Variants in THRB observed in about 807,000 individuals in gnomAD.
The protein encoded by THRB is thyroid hormone receptor beta, also known as nuclear receptor subfamily 1 group A member 2.
In THRB, 12 loss-of-function variants were observed where a neutral mutation model predicts 47.8. That is an observed-to-expected ratio of 0.25 (90% CI 0.16 to 0.41). THRB has a LOEUF of 0.41. Among genes scored for constraint, THRB ranks in the 10% least tolerant of loss-of-function variants. The probability of loss-of-function intolerance (pLI) is 1.00; values close to 1 mark genes in which losing one functional copy is unlikely to be tolerated. For synonymous variants in THRB, 218 were observed against 212.2 expected (o/e 1.03, Z -0.24); for missense variants, 348 against 589.2 (o/e 0.59, Z 4.24).
chr3:24,278,100 G>C (rs1307498188), intron 3 of THRB, among the ~76,000 whole-genome samples: 1 of 152,190 alleles, frequency 6.6e-6, no homozygotes, highest in African/African-American at 2.4e-5. Flanking sequence ...TTAGAGAACA[G>C]AAGATATGCA....
chr3:24,462,029 G>A (rs1051976329), intron 1 of THRB, among the ~76,000 whole-genome samples: 23 of 152,182 alleles, frequency 1.5e-4, no homozygotes, highest in Admixed American at 5.2e-4. Flanking sequence ...ACAATGATGA[G>A]CACAGAAAAC....
intron 1 of THRB, among the ~76,000 whole-genome samples, chr3:24,356,813 CT>C (rs1261721371): frequency 6.6e-6 from 1 of 152,082 alleles, no homozygotes; most frequent in Non-Finnish European, 1.5e-5. Flanking sequence ...GAGAGGCCCC[CT>C]GAATATGCAG....
At chr3:24,353,745 T>C (rs888364855) in intron 1 of THRB, among the ~76,000 whole-genome samples, 1 of 152,170 alleles carries the variant, frequency 6.6e-6, no homozygotes, top group Non-Finnish European at 1.5e-5. Flanking sequence ...AAACTTTGTA[T>C]TAATAAGCCC....
chr3:24,140,450 A>G (rs1435319310), intron 8 of THRB, among the ~76,000 whole-genome samples: 1 of 152,080 alleles, frequency 6.6e-6, no homozygotes, highest in Non-Finnish European at 1.5e-5. Flanking sequence ...TTTTTTACTC[A>G]TATTTCTGGT....
At chr3:24,242,901 C>G (rs2049696460) in intron 3 of THRB, among the ~76,000 whole-genome samples, 2 of 152,014 alleles carry the variant, frequency 1.3e-5, no homozygotes, top group South Asian at 4.2e-4. Context: ...ACTGCTATAG[C>G]AGCAAGATTT....
intron 1 of THRB, among the ~76,000 whole-genome samples, chr3:24,398,185 G>C (rs988767493): frequency 2.6e-5 from 4 of 152,012 alleles, no homozygotes; most frequent in Admixed American, 1.3e-4. Context: ...ATAGAAGAGG[G>C]AAAATGTGGG....
At chr3:24,396,810 A>T (rs1362114864) in intron 1 of THRB, among the ~76,000 whole-genome samples, 2 of 152,264 alleles carry the variant, frequency 1.3e-5, no homozygotes, top group East Asian at 3.9e-4. Flanking sequence ...TAAAATCCCA[A>T]AGTTTCACAA....
chr3:24,431,261 TACAC>T (rs199810848), intron 1 of THRB, among the ~76,000 whole-genome samples: 4,300 of 135,524 alleles, frequency 0.032, 108 homozygotes, highest in African/African-American at 0.061. Flanking sequence ...TCTCTCTCTC[TACAC>T]ACACACACAC....
At chr3:24,342,009 AC>A (rs2062689239) in intron 1 of THRB, among the ~76,000 whole-genome samples, 1 of 152,180 alleles carries the variant, frequency 6.6e-6, no homozygotes, top group African/African-American at 2.4e-5. Flanking sequence ...TGGCAGAATC[AC>A]CCAGCCAACT....
chr3:24,383,865 T>C (rs2065884951), intron 1 of THRB, among the ~76,000 whole-genome samples: 1 of 152,178 alleles, frequency 6.6e-6, no homozygotes, highest in Non-Finnish European at 1.5e-5. Context: ...TTTTGATTAA[T>C]GAACAAAGGA....
At position 24,284,639 on chromosome 3, in the gene THRB, C is replaced by T. The variant is rs889240005; in HGVS notation, c.-43+12587G>A. ...CAAAAGAAACTACCATCAGAGTGAA[C>T]AGGCAACCTACAGAATGGGAGAAAA... On this transcript the variant is annotated intron_variant, in intron 3 of 10. Coordinates refer to ENST00000646209, the MANE Select transcript of THRB (RefSeq NM_001354712.2). Among the ~76,000 whole-genome samples the T allele has an allele frequency of 3.5e-4, 53 of 149,772 alleles. 2 individuals carry two copies. Among genetic ancestry groups the T allele is most frequent in the South Asian group, 8.3e-4 (4 of 4,820 alleles).
At chr3:24,308,849 G>A (rs2057543815) in intron 2 of THRB, among the ~76,000 whole-genome samples, 2 of 152,158 alleles carry the variant, frequency 1.3e-5, no homozygotes, top group African/African-American at 4.8e-5. Context: ...ATAGGTGCAT[G>A]TTCCCCTTTT....
intron 1 of THRB, among the ~76,000 whole-genome samples, chr3:24,391,006 T>C (rs1267650489): frequency 6.6e-6 from 1 of 151,934 alleles, no homozygotes; most frequent in Admixed American, 6.6e-5. Context: ...CTTTTCAGGG[T>C]CCATTTCTCC....
chr3:24,175,816 A>AT (rs2041068955), intron 5 of THRB, among the ~76,000 whole-genome samples: 3 of 152,196 alleles, frequency 2.0e-5, no homozygotes, highest in African/African-American at 4.8e-5. Context: ...ATAAACAATA[A>AT]GATTGCTTGG....
intron 1 of THRB, among the ~76,000 whole-genome samples, chr3:24,350,532 T>C (rs1442232558): frequency 6.6e-6 from 1 of 152,136 alleles, no homozygotes; most frequent in Admixed American, 6.6e-5. Flanking sequence ...AACATAATAT[T>C]GAGCAAAATA....
At chr3:24,129,063 T>A (rs946960838) in intron 9 of THRB, among the ~76,000 whole-genome samples, 3 of 152,180 alleles carry the variant, frequency 2.0e-5, no homozygotes, top group African/African-American at 7.2e-5. Flanking sequence ...TCTAAAATAC[T>A]GGGCATTTTA....
intron 1 of THRB, among the ~76,000 whole-genome samples, chr3:24,405,163 C>G (rs897886015): frequency 3.3e-5 from 5 of 151,898 alleles, no homozygotes; most frequent in Admixed American, 2.6e-4. Context: ...TGTTGAGCAT[C>G]CTGTTTCTCA....
intron 6 of THRB, among the ~76,000 whole-genome samples, chr3:24,150,442 A>G (rs2036749031): frequency 1.3e-5 from 2 of 152,298 alleles, no homozygotes; most frequent in African/African-American, 4.8e-5. Flanking sequence ...AGGCAACCCT[A>G]GAAACAGGAT....
rs1008429434 is a variant in THRB, at chr3:24,120,635, A to T, written c.*2249T>A. 15 of 152,346 alleles carry T rather than the reference A, an allele frequency of 9.8e-5. No homozygotes were observed. Among genetic ancestry groups the T allele is most frequent in the Admixed American group, 2.0e-4 (3 of 15,302 alleles). 9.4% of individuals were successfully genotyped at this position (152,346 alleles called of 1,614,324 possible). A position where few individuals can be genotyped will look rare whatever the true frequency, so the allele number is the denominator to read the frequency against. On this transcript the variant is annotated 3_prime_UTR_variant, in exon 11 of 11. Coordinates refer to ENST00000646209, the MANE Select transcript of THRB (RefSeq NM_001354712.2). The stretch of plus-strand genomic sequence containing the variant: ...TTACCCTGGAGCACAGAGGTGGCTA[A>T]GTGTTTGTCTTCCAAAGAGCGGTTG...
Sources: gnomAD v4.1 joint callset for allele counts (sites outside exome capture counted in the v4.1 genomes callset) on GRCh38, gnomAD v4.1.1 for gene constraint, MANE v1.5 for transcripts, NCBI Gene and HGNC (gene_info 2026-07-23, HGNC 2026-07-21) for gene names.